The following CCSER2 variants were observed in gnomAD, a reference collection of about 807,000 sequenced individuals.
The protein encoded by CCSER2 is serine-rich coiled-coil domain-containing protein 2.
Under a neutral mutation model 92.3 loss-of-function variants are expected in CCSER2, and 46 were observed. That is an observed-to-expected ratio of 0.50 (90% confidence interval 0.39 to 0.64). The LOEUF is 0.64. CCSER2 is among the 30% of genes least tolerant of loss of function. The pLI is 0.00. For synonymous variants in CCSER2, 433 were observed against 431.4 expected (o/e 1.00, Z -0.04); for missense variants, 1,244 against 1,238.9 (o/e 1.00, Z -0.06).
At chr10:84,478,991 G>A (rs929180748) in intron 9 of CCSER2, among the ~76,000 whole-genome samples, 3 of 152,166 alleles carry the variant, frequency 2.0e-5, no homozygotes, top group Non-Finnish European at 4.4e-5. Context: ...CTTTCCAGGT[G>A]TCTCCATTTA....
chr10:84,445,302 C>T (rs1028581080), intron 6 of CCSER2, among the ~76,000 whole-genome samples: 3 of 152,154 alleles, frequency 2.0e-5, no homozygotes, highest in South Asian at 4.2e-4. Flanking sequence ...TACAGGCGCC[C>T]GCCACCACGC....
At chr10:84,500,436 C>T (rs12266889) in intron 9 of CCSER2, among the ~76,000 whole-genome samples, 18,429 of 152,148 alleles carry the variant, frequency 0.12, 3,240 homozygotes, top group African/African-American at 0.39. Context: ...ATTTCACTGT[C>T]ATCTAAAATA....
chr10:84,404,675 C>A (rs547586951), intron 3 of CCSER2, among the ~76,000 whole-genome samples: 4 of 152,194 alleles, frequency 2.6e-5, no homozygotes, highest in South Asian at 2.1e-4. Flanking sequence ...TTAAAAAAAA[C>A]AAGATTCCTA....
intron 9 of CCSER2, among the ~76,000 whole-genome samples, chr10:84,483,488 A>G (rs1158418675): frequency 6.6e-6 from 1 of 152,136 alleles, no homozygotes; most frequent in East Asian, 1.9e-4. Flanking sequence ...AAAAGGAAAA[A>G]GCAGAAAACT....
At chr10:84,457,481 A>G (rs1191442791) in intron 6 of CCSER2, among the ~76,000 whole-genome samples, 1 of 114,604 alleles carries the variant, frequency 8.7e-6, no homozygotes, top group Non-Finnish European at 1.6e-5. Flanking sequence ...TATAAAAGAC[A>G]TGGACTGGAA....
rs747977546 is a variant in CCSER2 at position 84,372,340 on chromosome 10, A to G, written c.1288A>G (p.Thr430Ala). The G allele has an allele frequency of 5.0e-6, 8 of 1,611,994 alleles. 1 individual carries two copies. In the Admixed American group the frequency reaches 1.3e-4, roughly 27 times the overall value. Residue 430 changes from threonine (T) to alanine (A), a missense_variant, in exon 2 of 10, where the codon ACT becomes GCT. Transcript: ENST00000372088. Reference protein sequence around the residue: ...DIEDSNRTRITPEEMSLKEEK... With the variant: ...DIEDSNRTRIAPEEMSLKEEK... ...AGAAGACTCCAACAGAACTAGAATA[A>G]CTCCAGAGGAAATGTCTCTCAAAGA...
intron 1 of CCSER2, among the ~76,000 whole-genome samples, chr10:84,354,587 G>A (rs1444566698): frequency 8.0e-6 from 1 of 125,336 alleles, no homozygotes; most frequent in Admixed American, 1.0e-4. Context: ...TTTAAGTGTT[G>A]GTGATACCAG....
intron 9 of CCSER2, among the ~76,000 whole-genome samples, chr10:84,488,543 A>G (rs1452279170): frequency 1.3e-5 from 2 of 152,162 alleles, no homozygotes; most frequent in East Asian, 1.9e-4. Flanking sequence ...TGTTTATGGT[A>G]TTCTCTGATG....
intron 3 of CCSER2, chr10:84,389,593 G>A: frequency 5.1e-6 from 1 of 196,704 alleles, no homozygotes. Context: ...ACACAACTTT[G>A]ATCTCAAAGC....
Position 84,421,937 on chromosome 10 carries a change from C to G in CCSER2, c.1706-3794C>G, listed in dbSNP as rs552554319. Reference sequence around the variant, plus strand: ...ATGGAGGGCGGGGAGGGTGACCCAGCAAGGCCTGTCTGTTCAGATTCTCTG... The same window carrying G: ...ATGGAGGGCGGGGAGGGTGACCCAGGAAGGCCTGTCTGTTCAGATTCTCTG... On this transcript the variant is annotated intron_variant, in intron 4 of 9. Transcript: ENST00000372088. Among the ~76,000 whole-genome samples, 3 of 152,268 alleles carry G rather than the reference C, an allele frequency of 2.0e-5. No homozygotes were observed. In the East Asian group the frequency reaches 5.8e-4, roughly 29 times the overall value.
At chr10:84,471,320 T>C (rs1846784951) in intron 8 of CCSER2, among the ~76,000 whole-genome samples, 1 of 152,068 alleles carries the variant, frequency 6.6e-6, no homozygotes, top group Admixed American at 6.6e-5. Flanking sequence ...ATTGAGGTCC[T>C]GTCACATACA....
chr10:84,364,253 AAAAT>A (rs1367773504), intron 1 of CCSER2, among the ~76,000 whole-genome samples: 18 of 152,212 alleles, frequency 1.2e-4, no homozygotes, highest in Non-Finnish European at 2.6e-4. Context: ...AAATATGTAA[AAAAT>A]AAAGTAATTG....
At chr10:84,483,640 G>A (rs555425289) in intron 9 of CCSER2, among the ~76,000 whole-genome samples, 15 of 151,982 alleles carry the variant, frequency 9.9e-5, no homozygotes, top group East Asian at 3.9e-4. Flanking sequence ...GGGATGGAAC[G>A]CTAACCAAAA....
At chr10:84,417,981 C>A (rs1338655101) in intron 4 of CCSER2, 120 bp downstream of exon 4, 3 of 621,674 alleles carry the variant, frequency 4.8e-6, no homozygotes, top group Non-Finnish European at 8.9e-6. Flanking sequence ...GACTGAGAAT[C>A]AGTCTTAAGT....
intron 3 of CCSER2, among the ~76,000 whole-genome samples, chr10:84,415,654 A>G (rs528693682): frequency 1.3e-5 from 2 of 152,320 alleles, no homozygotes; most frequent in Non-Finnish European, 2.9e-5. Flanking sequence ...GGACCTACTT[A>G]AAGAAGTAGT....
At chr10:84,405,709 G>A (rs1294523946) in intron 3 of CCSER2, among the ~76,000 whole-genome samples, 1 of 152,166 alleles carries the variant, frequency 6.6e-6, no homozygotes, top group Non-Finnish European at 1.5e-5. Context: ...GTAAAAGTGT[G>A]TTCAACATCA....
At chr10:84,460,030 A>G (rs1480300579) in intron 6 of CCSER2, among the ~76,000 whole-genome samples, 2 of 150,626 alleles carry the variant, frequency 1.3e-5, no homozygotes, top group African/African-American at 2.4e-5. Context: ...GGTGGGATCA[A>G]CCTCAGTTGC....
chr10:84,474,009 T>C (rs1248695632), intron 8 of CCSER2, among the ~76,000 whole-genome samples: 1 of 152,222 alleles, frequency 6.6e-6, no homozygotes, highest in Non-Finnish European at 1.5e-5. Flanking sequence ...TATTCTGATT[T>C]AAAATCAGAT....
At chr10:84,392,104 G>A (rs1348096604) in intron 3 of CCSER2, 2 of 732,560 alleles carry the variant, frequency 2.7e-6, no homozygotes, top group Non-Finnish European at 4.8e-6. Flanking sequence ...GAGACTATGA[G>A]GGAGCCTCTG....
Sources: gnomAD v4.1 joint callset for allele counts (sites outside exome capture counted in the v4.1 genomes callset) on GRCh38, gnomAD v4.1.1 for gene constraint, MANE v1.5 for transcripts, NCBI Gene and HGNC (gene_info 2026-07-23, HGNC 2026-07-21) for gene names.